Variants in SLC24A2 observed in about 807,000 individuals in gnomAD.
SLC24A2 encodes the protein solute carrier family 24 member 2, also known as sodium/potassium/calcium exchanger 2.
SLC24A2 carries 36 observed loss-of-function variants against 62.0 expected under a neutral mutation model. The ratio of observed to expected loss-of-function variants is 0.58; its 90% CI spans 0.44 to 0.77. The LOEUF is 0.77. Ranked by LOEUF, SLC24A2 falls within the 30% of genes least tolerant of loss-of-function variation. The pLI, the probability that SLC24A2 is intolerant of heterozygous loss-of-function variation, is 0.00. For missense variants in SLC24A2, 846 were observed against 817.9 expected (o/e 1.03, Z -0.42); for synonymous variants, 358 against 294.0 (o/e 1.22, Z -2.23).
the SLC24A2 span, among the ~76,000 whole-genome samples, chr9:19,907,664 A>C: frequency 1.3e-5 from 2 of 152,180 alleles, no homozygotes; most frequent in Non-Finnish European, 2.9e-5. Flanking sequence ...AAAATCAAAA[A>C]TCACAAGCAT....
At chr9:20,047,853 G>A in the SLC24A2 span, among the ~76,000 whole-genome samples, 1 of 151,612 alleles carries the variant, frequency 6.6e-6, no homozygotes, top group Non-Finnish European at 1.5e-5. Context: ...TCAGACCATA[G>A]CAGGATGAAG....
At position 19,619,587 on chromosome 9, in the gene SLC24A2, C is replaced by G; in HGVS notation, c.1075G>C (p.Glu359Gln). The G allele has an allele frequency of 2.5e-6, 4 of 1,611,210 alleles. No individual in the cohort carries two copies. The highest frequency in any genetic ancestry group is 3.4e-6 in the Non-Finnish European group (4 of 1,177,366). ...LMIHTLDPLA[E>Q]ELGSYGKLKY... is the part of the protein sequence containing the mutation. ...CAAACCAAAGCTTGATGTTTACCTTCGGCGAGTGGGTCAAGGGTGTGTATC... is the reference window on the plus strand; with the variant it reads ...CAAACCAAAGCTTGATGTTTACCTTGGGCGAGTGGGTCAAGGGTGTGTATC... Residue 359 changes from glutamate to glutamine, a missense_variant, in exon 4 of 11, where the codon GAA (glutamate) becomes CAA (glutamine). Physicochemically the swap from Glu to Gln is conservative, Grantham distance 29. Transcript: ENST00000341998.
At chr9:19,888,653 T>C in the SLC24A2 span, among the ~76,000 whole-genome samples, 2 of 152,132 alleles carry the variant, frequency 1.3e-5, no homozygotes, top group Non-Finnish European at 2.9e-5. Context: ...TTGGTACTGA[T>C]CTTGGTTTTA....
At chr9:19,970,897 T>G in the SLC24A2 span, among the ~76,000 whole-genome samples, 1 of 152,204 alleles carries the variant, frequency 6.6e-6, no homozygotes, top group Non-Finnish European at 1.5e-5. Context: ...CTGATATGAT[T>G]GGACAGAAAT....
At chr9:20,221,010 A>C in the SLC24A2 span, among the ~76,000 whole-genome samples, 1 of 152,308 alleles carries the variant, frequency 6.6e-6, no homozygotes, top group East Asian at 1.9e-4. Context: ...TAACCTACAG[A>C]GTTTACAAAA....
At chr9:19,809,216 T>C in the SLC24A2 span, among the ~76,000 whole-genome samples, 3 of 152,230 alleles carry the variant, frequency 2.0e-5, no homozygotes, top group Non-Finnish European at 1.5e-5. Context: ...TTCTTTCTAA[T>C]ATCTATGTAT....
chr9:19,860,997 G>T, the SLC24A2 span, among the ~76,000 whole-genome samples: 1 of 152,164 alleles, frequency 6.6e-6, no homozygotes, highest in Non-Finnish European at 1.5e-5. Context: ...CCCACCCAGG[G>T]CCTAGAGGAA....
the SLC24A2 span, among the ~76,000 whole-genome samples, chr9:19,824,465 A>G: frequency 2.6e-5 from 4 of 152,258 alleles, no homozygotes; most frequent in East Asian, 3.8e-4. Context: ...CAAAACCACA[A>G]TGAGATACCA....
chr9:19,801,563 C>A, the SLC24A2 span, among the ~76,000 whole-genome samples: 1 of 152,226 alleles, frequency 6.6e-6, no homozygotes, highest in Non-Finnish European at 1.5e-5. Context: ...AGGGTAGCCG[C>A]TGCCAGCTCA....
rs537330374 is a variant in SLC24A2, at chr9:19,573,639, C to G, written c.1229-170G>C. On this transcript the variant is annotated intron_variant, in intron 6 of 10. Coordinates refer to ENST00000341998, the MANE Select transcript of SLC24A2 (RefSeq NM_020344.4). ...GGCTAAAGCAGAGGATAGTGGTGTC[C>G]CAGGGGCGATAAGGCCCAGGGCTGA... Among the ~76,000 whole-genome samples the G allele has an allele frequency of 2.0e-5, 3 of 151,652 alleles. No homozygotes were observed. In the East Asian group the frequency reaches 5.8e-4, roughly 29 times the overall value.
At chr9:20,236,464 G>A in the SLC24A2 span, among the ~76,000 whole-genome samples, 69 of 152,266 alleles carry the variant, frequency 4.5e-4, no homozygotes, top group African/African-American at 1.4e-3. Context: ...CATTCCATTT[G>A]TATTGGCTAG....
chr9:19,605,736 T>C (rs971697284), intron 4 of SLC24A2, among the ~76,000 whole-genome samples: 1 of 152,256 alleles, frequency 6.6e-6, no homozygotes. Flanking sequence ...GAACTAATGA[T>C]GTGGCAAGCA....
chr9:19,522,497 C>T (rs1296130644), intron 9 of SLC24A2, among the ~76,000 whole-genome samples: 2 of 152,100 alleles, frequency 1.3e-5, no homozygotes, highest in African/African-American at 2.4e-5. Flanking sequence ...TTTCTAAATC[C>T]TTTTTAAAAA....
intron 2 of SLC24A2, among the ~76,000 whole-genome samples, chr9:19,679,525 A>C (rs1453064675): frequency 6.6e-6 from 1 of 152,112 alleles, no homozygotes; most frequent in Admixed American, 6.5e-5. Context: ...GGTTTTTGGA[A>C]GGGATTAGCA....
the SLC24A2 span, among the ~76,000 whole-genome samples, chr9:19,914,322 G>C: frequency 6.6e-6 from 1 of 151,886 alleles, no homozygotes; most frequent in African/African-American, 2.4e-5. Flanking sequence ...CTTGACACAT[G>C]CCTCCTAAAC....
At chr9:19,908,208 A>G in the SLC24A2 span, among the ~76,000 whole-genome samples, 1 of 152,238 alleles carries the variant, frequency 6.6e-6, no homozygotes, top group Non-Finnish European at 1.5e-5. Context: ...GATCTTTGAC[A>G]AACCTGACAA....
chr9:19,788,899 AG>A lies in SLC24A2; in HGVS notation c.-169del, dbSNP rs1823260556. ...CCCGCACTTACCAGGATAAGATGGG[AG>A]GACGCGCACACGGCGGGGCCCCCGA... On this transcript the variant is annotated 5_prime_UTR_variant, in exon 1 of 11. Transcript: ENST00000341998. 1 of 985,218 alleles carries A rather than the reference AG, an allele frequency of 1.0e-6. No individual in the cohort carries two copies. The allele number at this position is 985,218 out of a possible 1,614,324, so 61.0% of individuals were successfully genotyped here. A position where few individuals can be genotyped will look rare whatever the true frequency, so the allele number is the denominator to read the frequency against.
chr9:19,965,431 T>A, the SLC24A2 span, among the ~76,000 whole-genome samples: 1 of 152,188 alleles, frequency 6.6e-6, no homozygotes, highest in Non-Finnish European at 1.5e-5. Flanking sequence ...TGCCAACTAG[T>A]ACAGAAATGT....
chr9:19,971,035 A>C, the SLC24A2 span, among the ~76,000 whole-genome samples: 1 of 152,218 alleles, frequency 6.6e-6, no homozygotes, highest in Non-Finnish European at 1.5e-5. Flanking sequence ...TCAATGGGAT[A>C]CTAACAAATG....
Sources: gnomAD v4.1 joint callset for allele counts (sites outside exome capture counted in the v4.1 genomes callset) on GRCh38, gnomAD v4.1.1 for gene constraint, MANE v1.5 for transcripts, NCBI Gene and HGNC (gene_info 2026-07-23, HGNC 2026-07-21) for gene names.